CRY1: variants seen among roughly 807,000 people sequenced by gnomAD.
The protein encoded by CRY1 is cryptochrome-1.
Under a neutral mutation model 76.0 loss-of-function variants are expected in CRY1, and 45 were observed. That is an observed-to-expected ratio of 0.59 (90% CI 0.47 to 0.76). CRY1 has a LOEUF of 0.76. Among genes scored for constraint, CRY1 ranks in the 30% least tolerant of loss-of-function variants. The pLI is 0.00. For synonymous variants in CRY1, 248 were observed against 244.0 expected, an observed-to-expected ratio of 1.02 and a Z score of -0.15; for missense variants, 587 against 716.4, an observed-to-expected ratio of 0.82 and a Z score of 2.06.
chr12:107,029,606 CAA>C (rs35485801), intron 1 of CRY1, among the ~76,000 whole-genome samples: 1,374 of 112,228 alleles, frequency 0.012, 7 homozygotes, highest in Non-Finnish European at 0.017. Context: ...GGTCTTGCCT[CAA>C]AAAAAAAAAA....
intron 1 of CRY1, among the ~76,000 whole-genome samples, chr12:107,055,330 A>G (rs1014874053): frequency 2.0e-5 from 3 of 152,132 alleles, no homozygotes; most frequent in Admixed American, 6.5e-5. Flanking sequence ...GAAAAAAATC[A>G]TAACAAAATT....
At chr12:107,004,364 TA>T (rs1463304752) in intron 3 of CRY1, among the ~76,000 whole-genome samples, 1 of 152,208 alleles carries the variant, frequency 6.6e-6, no homozygotes, top group Non-Finnish European at 1.5e-5. Flanking sequence ...ACTAACTTGA[TA>T]AAATACATAA....
chr12:107,084,973 CA>C (rs200581722), intron 1 of CRY1, among the ~76,000 whole-genome samples: 3,476 of 101,840 alleles, frequency 0.034, 72 homozygotes, highest in African/African-American at 0.079. Flanking sequence ...AACAAATTTA[CA>C]AAAAAAAAAA....
At chr12:107,066,871 C>G (rs1180261943) in intron 1 of CRY1, among the ~76,000 whole-genome samples, 1 of 152,184 alleles carries the variant, frequency 6.6e-6, no homozygotes, top group Non-Finnish European at 1.5e-5. Flanking sequence ...GAGATCATGG[C>G]TCACCACACC....
At chr12:107,045,423 G>C (rs187149042) in intron 1 of CRY1, among the ~76,000 whole-genome samples, 4 of 152,284 alleles carry the variant, frequency 2.6e-5, no homozygotes, top group Admixed American at 2.6e-4. Flanking sequence ...ACTTTGGGAG[G>C]CTGAAGTGGG....
At chr12:107,034,870 CAATT>C (rs1490583548) in intron 1 of CRY1, among the ~76,000 whole-genome samples, 2 of 152,278 alleles carry the variant, frequency 1.3e-5, no homozygotes, top group African/African-American at 4.8e-5. Flanking sequence ...TTTCTGGCAT[CAATT>C]AGACTAATAT....
At chr12:107,071,017 T>C (rs1953185160) in intron 1 of CRY1, among the ~76,000 whole-genome samples, 1 of 152,088 alleles carries the variant, frequency 6.6e-6, no homozygotes, top group Non-Finnish European at 1.5e-5. Context: ...ATTCTCTTAT[T>C]ATTAATAGTA....
At position 107,032,505 on chromosome 12, in the gene CRY1, T is replaced by TACGG. The variant is rs1555199537; in HGVS notation, c.159-10314_159-10313insCCGT. On this transcript the variant is annotated intron_variant, in intron 1 of 12. Coordinates refer to ENST00000008527, the MANE Select transcript of CRY1 (RefSeq NM_004075.5). ...GCTTGGTGTGCTCTGAGATAACTGT[T>TACGG]ACAGACACACACACACACACACACG... 1.6e-4 allele frequency among the ~76,000 whole-genome samples: 18 copies of TACGG among 111,090 alleles called. No homozygotes were observed. The East Asian group carries it at 4.3e-3, about 26-fold the overall frequency. The allele number at this position is 111,090 out of a possible 152,430, so 72.9% of individuals were successfully genotyped here.
chr12:107,086,610 GC>G (rs1009699887), intron 1 of CRY1, among the ~76,000 whole-genome samples: 4 of 152,202 alleles, frequency 2.6e-5, no homozygotes, highest in Admixed American at 6.5e-5. Context: ...GGCTCAAAAG[GC>G]CCCAGGTACT....
At chr12:107,051,413 A>G (rs747662027) in intron 1 of CRY1, among the ~76,000 whole-genome samples, 6 of 152,198 alleles carry the variant, frequency 3.9e-5, no homozygotes, top group Non-Finnish European at 5.9e-5. Context: ...AAGCACTTTC[A>G]TTCACTCATT....
rs200556853 is a variant in CRY1, at chr12:107,072,415, G to C, written c.158+20389C>G. ...ACTAGGGGTTTGATGTGGGCAGTTT[G>C]ATGTGTGGACTGGACAGGAATCTCG... On this transcript the variant is annotated intron_variant, in intron 1 of 12. Transcript: ENST00000008527. 5.9e-4 allele frequency among the ~76,000 whole-genome samples: 90 copies of C among 152,284 alleles called. 3 individuals carry two copies. The East Asian group carries it at 0.01, about 17-fold the overall frequency.
At chr12:107,050,414 T>C (rs1440715742) in intron 1 of CRY1, 2 of 152,270 alleles carry the variant, frequency 1.3e-5, no homozygotes, top group Non-Finnish European at 2.9e-5. Context: ...ACCTCATCAA[T>C]GGGTTGGTGC....
Position 107,092,947 on chromosome 12 carries a change from G to A in CRY1, c.15C>T (p.Ala5=), listed in dbSNP as rs1436521172. The A allele has an allele frequency of 1.9e-6, 3 of 1,580,508 alleles. No individual in the cohort carries two copies. In the Middle Eastern group the frequency reaches 7.1e-4, roughly 372 times the overall value. Residue 5 remains alanine, a synonymous_variant, in exon 1 of 13, where the codon GCC becomes GCT. Coordinates refer to ENST00000008527, the MANE Select transcript of CRY1 (RefSeq NM_004075.5). ...GGAGCCCCTTTCGGAACCAGTGCAC[G>A]GCGTTCACCCCCATGCCGGGGGGCG... The part of the protein sequence containing the change: MGVN[A]VHWFRKGLRL...
In CRY1 at chr12:106,992,883, G is replaced by A. The variant is rs1253982428; in HGVS notation, c.1665C>T (p.Ser555=). 6.2e-7 allele frequency: 1 copy of A among 1,613,856 alleles called. No individual in the cohort carries two copies. Among genetic ancestry groups the A allele is most frequent in the Non-Finnish European group, 8.5e-7 (1 of 1,179,940 alleles). Residue 555 remains serine, a synonymous_variant, in exon 12 of 13, where the codon AGC becomes AGT. Transcript: ENST00000008527. ...CACCACTGAGACCAGTGCCCATGGA[G>A]CTTCTTCCTGCACATTTAAAAAATG... is the stretch of plus-strand genomic sequence containing the variant. ...QQTHLLKQGR[S]SMGTGLSGGK... is the part of the protein sequence containing the mutation.
chr12:106,999,553 T>A lies in CRY1; in HGVS notation c.1135A>T (p.Lys379Ter), dbSNP rs760005269. Reference sequence around the variant, plus strand: ...GCTATATCAGTTAGAACACTTACCTTCATTCCTTCTTCCCAACTAATCCAC... The same window carrying A: ...GCTATATCAGTTAGAACACTTACCTACATTCCTTCTTCCCAACTAATCCAC... ...DLWISWEEGM[K>*]VFEELLLDAD... Residue 379 changes from lysine to a stop codon, truncating the protein, a stop_gained and splice_region_variant, in exon 7 of 13, where the codon AAG becomes TAG. Coordinates refer to ENST00000008527, the MANE Select transcript of CRY1 (RefSeq NM_004075.5). LOFTEE classifies it high-confidence loss of function. 6.2e-7 allele frequency: 1 copy of A among 1,609,692 alleles called. No individual in the cohort carries two copies. The highest frequency in any genetic ancestry group is 8.5e-7 in the Non-Finnish European group (1 of 1,177,986).
At chr12:107,078,518 C>T (rs989167830) in intron 1 of CRY1, among the ~76,000 whole-genome samples, 5 of 152,096 alleles carry the variant, frequency 3.3e-5, no homozygotes, top group Non-Finnish European at 7.4e-5. Context: ...ATAGTATTCG[C>T]TGAGTTTTTT....
intron 1 of CRY1, among the ~76,000 whole-genome samples, chr12:107,069,748 T>C (rs529865162): frequency 6.3e-4 from 92 of 146,118 alleles, no homozygotes; most frequent in African/African-American, 2.1e-3. Context: ...ATTAAGTATA[T>C]ATATAAAGTA....
At chr12:107,068,991 C>T (rs1334383558) in intron 1 of CRY1, among the ~76,000 whole-genome samples, 1 of 152,148 alleles carries the variant, frequency 6.6e-6, no homozygotes, top group Non-Finnish European at 1.5e-5. Context: ...GTTGTTTCCA[C>T]ATTTTGGTGA....
At chr12:107,028,235 AT>A (rs1952637128) in intron 1 of CRY1, among the ~76,000 whole-genome samples, 1 of 152,184 alleles carries the variant, frequency 6.6e-6, no homozygotes, top group Non-Finnish European at 1.5e-5. Flanking sequence ...GATTTAAAAA[AT>A]ATAACAATTT....
Sources: gnomAD v4.1 joint callset for allele counts (sites outside exome capture counted in the v4.1 genomes callset) on GRCh38, gnomAD v4.1.1 for gene constraint, MANE v1.5 for transcripts, NCBI Gene and HGNC (gene_info 2026-07-23, HGNC 2026-07-21) for gene names.